MLIP: variants seen among roughly 807,000 people sequenced by gnomAD.
MLIP encodes muscular LMNA interacting protein.
Under a neutral mutation model 84.8 loss-of-function variants are expected in MLIP, and 79 were observed. That is an observed-to-expected ratio of 0.93 (90% CI 0.78 to 1.12). MLIP has a LOEUF of 1.12. MLIP is among the 50% of genes most tolerant of loss of function. The pLI is 0.00. For synonymous variants in MLIP, 504 were observed against 463.0 expected, an observed-to-expected ratio of 1.09 and a Z score of -1.14; for missense variants, 1,257 against 1,160.6, an observed-to-expected ratio of 1.08 and a Z score of -1.21.
intron 3 of MLIP, among the ~76,000 whole-genome samples, chr6:54,133,734 G>C (rs1244423222): frequency 6.6e-6 from 1 of 152,180 alleles, no homozygotes; most frequent in Non-Finnish European, 1.5e-5. Flanking sequence ...ATCTGAGGGT[G>C]AATTTATGAT....
At chr6:54,214,976 T>C (rs113233202) in intron 11 of MLIP, among the ~76,000 whole-genome samples, 2,652 of 152,316 alleles carry the variant, frequency 0.017, 74 homozygotes, top group African/African-American at 0.059. Flanking sequence ...TAGGCCTGGG[T>C]GATTCCCCAG....
intron 10 of MLIP, among the ~76,000 whole-genome samples, chr6:54,194,087 A>G (rs1778127096): frequency 6.6e-6 from 1 of 152,234 alleles, no homozygotes; most frequent in South Asian, 2.1e-4. Context: ...TCACATGGCT[A>G]TATACAGGTA....
chr6:54,241,119 C>CT (rs67859095), intron 12 of MLIP, among the ~76,000 whole-genome samples: 23,567 of 150,778 alleles, frequency 0.16, 2,288 homozygotes, highest in African/African-American at 0.27. Context: ...ACAGACGTTT[C>CT]TTTTTTTTTG....
chr6:54,047,285 T>C (rs1421139102), intron 1 of MLIP: 1 of 152,136 alleles, frequency 6.6e-6, no homozygotes, highest in African/African-American at 2.4e-5. Flanking sequence ...GGATGAGTGA[T>C]ACAAACCTGG....
intron 9 of MLIP, among the ~76,000 whole-genome samples, chr6:54,170,699 A>G (rs1775680486): frequency 6.6e-6 from 1 of 151,510 alleles, no homozygotes; most frequent in Admixed American, 6.6e-5. Context: ...GATACTAATA[A>G]TTTTCTTATG....
intron 5 of MLIP, among the ~76,000 whole-genome samples, chr6:54,158,125 G>A (rs1295607397): frequency 6.6e-6 from 1 of 152,050 alleles, no homozygotes; most frequent in Non-Finnish European, 1.5e-5. Flanking sequence ...AATAGTTCTG[G>A]ATGGAGATCC....
intron 6 of MLIP, 35 bp downstream of exon 6, chr6:54,160,467 C>A (rs762365997): frequency 5.6e-6 from 9 of 1,608,856 alleles, no homozygotes; most frequent in Non-Finnish European, 7.7e-6. Context: ...TTTTGGTATG[C>A]AATTCCAAAA....
chr6:54,174,595 TATA>T (rs935572408), intron 9 of MLIP, among the ~76,000 whole-genome samples: 3 of 152,028 alleles, frequency 2.0e-5, no homozygotes, highest in African/African-American at 7.2e-5. Flanking sequence ...AAACTACAAT[TATA>T]ATACTTTATG....
At chr6:54,075,137 C>G (rs1766720682) in intron 1 of MLIP, among the ~76,000 whole-genome samples, 2 of 150,710 alleles carry the variant, frequency 1.3e-5, no homozygotes, top group African/African-American at 4.9e-5. Context: ...ATCCCAGCTA[C>G]TCGGGAGGAT....
intron 11 of MLIP, chr6:54,215,406 A>C: frequency 7.9e-7 from 1 of 1,269,888 alleles, no homozygotes; most frequent in Non-Finnish European, 1.0e-6. Flanking sequence ...ACCCATACTA[A>C]TAAGTATTTG....
At chr6:54,171,428 T>C (rs1364456894) in intron 9 of MLIP, among the ~76,000 whole-genome samples, 4 of 151,644 alleles carry the variant, frequency 2.6e-5, no homozygotes, top group Non-Finnish European at 5.9e-5. Flanking sequence ...TGAATTGTTG[T>C]TTGTGGCCAC....
At chr6:54,217,958 CA>C in intron 11 of MLIP, 1 of 985,404 alleles carries the variant, frequency 1.0e-6, no homozygotes, top group Non-Finnish European at 1.2e-6. Flanking sequence ...AAGTAGGGCA[CA>C]AGTTAGACGT....
In MLIP at chr6:54,117,369, G is replaced by A. The variant is rs960178785; in HGVS notation, c.97-4078G>A. Reference sequence around the variant, plus strand: ...AGCTGGGACTACAGGCACCCGCCACGACGCCTGGCTAATTTTTTGTATTTT... The same window carrying A: ...AGCTGGGACTACAGGCACCCGCCACAACGCCTGGCTAATTTTTTGTATTTT... On this transcript the variant is annotated intron_variant, in intron 1 of 13. Coordinates refer to ENST00000502396, the MANE Select transcript of MLIP (RefSeq NM_001281747.2). 3.3e-5 allele frequency among the ~76,000 whole-genome samples: 5 copies of A among 151,334 alleles called. No homozygotes were observed. In the East Asian group the frequency reaches 6.0e-4, roughly 18 times the overall value.
Position 54,137,956 on chromosome 6 carries a change from C to T in MLIP, c.1887C>T (p.Ser629=). 6.5e-7 allele frequency: 1 copy of T among 1,536,052 alleles called. No individual in the cohort carries two copies. The highest frequency in any genetic ancestry group is 8.7e-7 in the Non-Finnish European group (1 of 1,146,888). ...TAAACAGATCTAAAAGAGCATCATC[C>T]CAACTATCTGGCCAGGAGCTGAATC... is the stretch of plus-strand genomic sequence containing the variant. ...SLINRSKRAS[S]QLSGQELNPS... Residue 629 remains serine, a synonymous_variant, in exon 4 of 14, where the codon TCC becomes TCT. Transcript: ENST00000502396.
intron 1 of MLIP, among the ~76,000 whole-genome samples, chr6:54,084,698 A>AT (rs1295635780): frequency 6.6e-6 from 1 of 152,120 alleles, no homozygotes; most frequent in Non-Finnish European, 1.5e-5. Flanking sequence ...AGATTAGTAT[A>AT]TTTTCATTGC....
intron 11 of MLIP, among the ~76,000 whole-genome samples, chr6:54,225,441 C>T (rs891417211): frequency 2.0e-5 from 3 of 152,090 alleles, no homozygotes; most frequent in African/African-American, 4.8e-5. Flanking sequence ...ATATGCAGTT[C>T]GTTGTTGGCT....
Position 54,067,187 on chromosome 6 carries a change from G to A in MLIP, c.63+48096G>A, listed in dbSNP as rs1766257772. Reference sequence around the variant, plus strand: ...ATAGTCTCTTTTGGGGGATTAATGGGAGAACTATCACGAATTTTAAAATTC... The same window carrying A: ...ATAGTCTCTTTTGGGGGATTAATGGAAGAACTATCACGAATTTTAAAATTC... On this transcript the variant is annotated intron_variant, in intron 1 of 12. Transcript: ENST00000274897. 2.0e-5 allele frequency among the ~76,000 whole-genome samples: 2 copies of A among 100,788 alleles called. 1 individual carries two copies. The highest frequency in any genetic ancestry group is 5.1e-5 in the African/African-American group (2 of 39,332). The allele number at this position is 100,788 out of a possible 152,430, so 66.1% of individuals were successfully genotyped here. A position where few individuals can be genotyped will look rare whatever the true frequency, so the allele number is the denominator to read the frequency against.
chr6:54,036,709 A>G (rs984840207), intron 1 of MLIP, among the ~76,000 whole-genome samples: 1 of 152,076 alleles, frequency 6.6e-6, no homozygotes, highest in Non-Finnish European at 1.5e-5. Context: ...TAGAACTACT[A>G]TATGACCCAG....
Position 54,097,678 on chromosome 6 carries a change from G to A in MLIP, c.64-23769G>A, listed in dbSNP as rs754984365. The stretch of plus-strand genomic sequence containing the variant: ...AAGATTTGGGGCATATTTAGTTGGA[G>A]GTTAATATTAATAATCATCTAACGT... On this transcript the variant is annotated intron_variant, in intron 1 of 12. Transcript: ENST00000274897. Among the ~76,000 whole-genome samples the A allele has an allele frequency of 3.3e-5, 5 of 152,238 alleles. No homozygotes were observed. In the South Asian group the frequency reaches 8.3e-4, roughly 25 times the overall value.
Sources: gnomAD v4.1 joint callset for allele counts (sites outside exome capture counted in the v4.1 genomes callset) on GRCh38, gnomAD v4.1.1 for gene constraint, MANE v1.5 for transcripts, NCBI Gene and HGNC (gene_info 2026-07-23, HGNC 2026-07-21) for gene names.